The following RHOH variants were observed in gnomAD, a reference collection of about 807,000 sequenced individuals.
RHOH encodes ras homolog family member H.
A neutral mutation model predicts 13.8 loss-of-function variants in RHOH; 6 were observed. That is an observed-to-expected ratio of 0.44 (90% CI 0.24 to 0.86). The LOEUF is 0.86. Among genes scored for constraint, RHOH ranks in the 40% least tolerant of loss-of-function variants. RHOH has a pLI of 0.24. For synonymous variants in RHOH, 117 were observed against 103.0 expected (o/e 1.14, Z -0.82); for missense variants, 147 against 244.5 (o/e 0.60, Z 2.66).
intron 2 of RHOH, 111 bp downstream of exon 2, chr4:40,242,945 TTGTGTGTGTG>T (rs58807335): frequency 0.096 from 13,704 of 143,346 alleles, 881 homozygotes; most frequent in East Asian, 0.34. Flanking sequence ...CGGGAGGCAT[TTGTGTGTGTG>T]TGTGTGTGTG....
upstream of RHOH, among the ~76,000 whole-genome samples, chr4:40,196,591 A>G (rs780225173): frequency 7.9e-5 from 12 of 152,130 alleles, no homozygotes; most frequent in Non-Finnish European, 1.6e-4. Flanking sequence ...AGCAAAGCGA[A>G]GCAGACAATC....
intron 1 of RHOH, among the ~76,000 whole-genome samples, chr4:40,235,590 C>CAAAAAAAAAAAAAAAAAAAAA (rs34336418): frequency 8.0e-5 from 6 of 74,762 alleles, no homozygotes; most frequent in South Asian, 6.6e-4. Flanking sequence ...AACTTCATCT[C>CAAAAAAAAAAAAAAAAAAAAA]AAAAAAAAAA....
At chr4:40,192,618 CAGG>C (rs939095048), upstream of RHOH, among the ~76,000 whole-genome samples, 52 of 152,336 alleles carry the variant, frequency 3.4e-4, no homozygotes, top group Non-Finnish European at 5.4e-4. Flanking sequence ...TCTTTGTTCA[CAGG>C]AGAATATTAA....
chr4:40,214,942 C>T (rs1725700804), intron 1 of RHOH, among the ~76,000 whole-genome samples: 1 of 152,150 alleles, frequency 6.6e-6, no homozygotes. Flanking sequence ...GTATTCTAGT[C>T]CTGACGAGAG....
intron 1 of RHOH, among the ~76,000 whole-genome samples, chr4:40,236,300 G>A (rs1728565357): frequency 6.6e-6 from 1 of 152,134 alleles, no homozygotes; most frequent in Non-Finnish European, 1.5e-5. Flanking sequence ...TACAGTGCCT[G>A]CCATACAGGA....
intron 1 of RHOH, among the ~76,000 whole-genome samples, chr4:40,212,115 A>T (rs1182212221): frequency 3.3e-5 from 5 of 152,206 alleles, no homozygotes; most frequent in Non-Finnish European, 7.3e-5. Flanking sequence ...CTGCTTTATA[A>T]ATTATGAATA....
chr4:40,211,072 T>G lies in RHOH; in HGVS notation c.-331+13772T>G, dbSNP rs80344866. The stretch of plus-strand genomic sequence containing the variant: ...GTCATACATTAAATTAATGAACAGC[T>G]TACTTTATGTTGTAATTGTTGTTGG... On this transcript the variant is annotated intron_variant, in intron 1 of 2. Coordinates refer to ENST00000381799, the MANE Select transcript of RHOH (RefSeq NM_004310.5). Among the ~76,000 whole-genome samples the G allele has an allele frequency of 4.2e-3, 641 of 152,316 alleles. 2 individuals are homozygous for G. The highest frequency in any genetic ancestry group is 0.014 in the African/African-American group (602 of 41,560).
chr4:40,192,886 G>T (rs1031984674), upstream of RHOH: 3 of 152,260 alleles, frequency 2.0e-5, no homozygotes, highest in Non-Finnish European at 4.4e-5. Flanking sequence ...CTTGGTTCTG[G>T]TTTTCTTAGG....
chr4:40,202,882 G>GA (rs199918385), intron 1 of RHOH, among the ~76,000 whole-genome samples: 1,644 of 152,102 alleles, frequency 0.011, 9 homozygotes, highest in Non-Finnish European at 0.016. Flanking sequence ...ATTTTGACCT[G>GA]AAAAAAATAG....
chr4:40,239,415 C>A (rs553349811), intron 1 of RHOH, among the ~76,000 whole-genome samples: 1 of 152,282 alleles, frequency 6.6e-6, no homozygotes, highest in South Asian at 2.1e-4. Flanking sequence ...ACACAGAACA[C>A]CCTTTGCTGG....
At chr4:40,238,261 T>C (rs886563428) in intron 1 of RHOH, among the ~76,000 whole-genome samples, 2 of 151,358 alleles carry the variant, frequency 1.3e-5, no homozygotes, top group Non-Finnish European at 1.5e-5. Context: ...AGGAAGGCTT[T>C]CCAGAAGGAG....
chr4:40,210,794 A>G (rs1725179397), intron 1 of RHOH, among the ~76,000 whole-genome samples: 1 of 152,208 alleles, frequency 6.6e-6, no homozygotes, highest in African/African-American at 2.4e-5. Context: ...CTCTATATGT[A>G]TAAAGCACAG....
chr4:40,209,664 T>G (rs1725031460), intron 1 of RHOH: 1 of 152,248 alleles, frequency 6.6e-6, no homozygotes, highest in Admixed American at 6.5e-5. Context: ...CAGACTGGTC[T>G]TGAATTCTTC....
intron 1 of RHOH, among the ~76,000 whole-genome samples, chr4:40,202,757 G>T (rs1004867547): frequency 6.6e-6 from 1 of 152,076 alleles, no homozygotes; most frequent in Admixed American, 6.5e-5. Flanking sequence ...CTGAGAAATA[G>T]CCCAGAGAAA....
At chr4:40,213,558 A>G (rs1579265576) in intron 1 of RHOH, among the ~76,000 whole-genome samples, 1 of 152,132 alleles carries the variant, frequency 6.6e-6, no homozygotes, top group African/African-American at 2.4e-5. Flanking sequence ...GGTCTGGTTA[A>G]GACAACTAAT....
intron 1 of RHOH, among the ~76,000 whole-genome samples, chr4:40,224,967 T>C (rs1727045503): frequency 6.6e-6 from 1 of 152,238 alleles, no homozygotes; most frequent in Non-Finnish European, 1.5e-5. Flanking sequence ...TGGAGTGCAG[T>C]GTTGTGATCA....
chr4:40,207,738 GA>G (rs1341499527), intron 1 of RHOH, among the ~76,000 whole-genome samples: 1 of 152,172 alleles, frequency 6.6e-6, no homozygotes, highest in Admixed American at 6.5e-5. Flanking sequence ...AGGCCAAGGC[GA>G]ACGGATTACC....
rs936249748 is a variant in RHOH at position 40,246,447 on chromosome 4, G to A, written c.*2485G>A. On this transcript the variant is annotated 3_prime_UTR_variant, in exon 3 of 3. Transcript: ENST00000381799. The stretch of plus-strand genomic sequence containing the variant: ...AGACACACAGGTGAGACCTCCACCT[G>A]TTGGCGGGAGCCAAGCTTAACAGCT... 3.7e-5 allele frequency: 4 copies of A among 108,904 alleles called. No individual in the cohort carries two copies. The highest frequency in any genetic ancestry group is 1.1e-4 in the African/African-American group (4 of 37,410). 6.7% of individuals were successfully genotyped at this position (108,904 alleles called of 1,614,324 possible). A position where few individuals can be genotyped will look rare whatever the true frequency, so the allele number is the denominator to read the frequency against.
chr4:40,210,328 G>T (rs4974973), intron 1 of RHOH, among the ~76,000 whole-genome samples: 1 of 152,044 alleles, frequency 6.6e-6, no homozygotes, highest in African/African-American at 2.4e-5. Flanking sequence ...CTGCGTTTCC[G>T]GCCCTGGGCC....
Sources: allele counts gnomAD v4.1 joint callset (sites outside exome capture counted in the v4.1 genomes callset), GRCh38; gene constraint gnomAD v4.1.1; transcripts MANE v1.5; gene names NCBI Gene and HGNC (gene_info 2026-07-23, HGNC 2026-07-21).